The following GMDS variants were observed in gnomAD, a reference collection of about 807,000 sequenced individuals.
GMDS encodes GDP-mannose 4,6 dehydratase.
In GMDS, 20 loss-of-function variants were observed where a neutral mutation model predicts 49.9. The observed-to-expected ratio is 0.40, with a 90% CI of 0.28 to 0.58. The LOEUF (loss-of-function observed/expected upper bound fraction) is 0.58, where lower values mean the gene tolerates loss of function less well. Among genes scored for constraint, GMDS ranks in the 20% least tolerant of loss-of-function variants. The probability of loss-of-function intolerance (pLI) is 0.42; values close to 1 mark genes in which losing one functional copy is unlikely to be tolerated. For missense variants in GMDS, 362 were observed against 481.4 expected (o/e 0.75, Z 2.32); for synonymous variants, 177 against 178.6 (o/e 0.99, Z 0.07).
At chr6:2,122,509 TCA>T (rs1775196438) in intron 2 of GMDS, among the ~76,000 whole-genome samples, 1 of 151,734 alleles carries the variant, frequency 6.6e-6, no homozygotes, top group African/African-American at 2.4e-5. Context: ...CTCATGGCCT[TCA>T]ATAATCAGGG....
intron 7 of GMDS, among the ~76,000 whole-genome samples, chr6:1,857,292 C>T (rs534157931): frequency 1.8e-4 from 27 of 152,310 alleles, no homozygotes; most frequent in Admixed American, 1.4e-3. Context: ...CCGTATGCTG[C>T]GTTCAGTTCC....
At chr6:1,624,814 T>G in intron 9 of GMDS, 1 of 276,798 alleles carries the variant, frequency 3.6e-6, no homozygotes, top group African/African-American at 2.4e-5. Flanking sequence ...AGGCGTCCCT[T>G]GGGCTCTTAA....
intron 1 of GMDS, among the ~76,000 whole-genome samples, chr6:2,182,854 G>A (rs1428964268): frequency 6.6e-6 from 1 of 152,046 alleles, no homozygotes; most frequent in African/African-American, 2.4e-5. Flanking sequence ...TATAGGGTAT[G>A]CATCACCATG....
At chr6:2,239,226 G>A (rs1436217049) in intron 1 of GMDS, among the ~76,000 whole-genome samples, 1 of 151,860 alleles carries the variant, frequency 6.6e-6, no homozygotes, top group Non-Finnish European at 1.5e-5. Flanking sequence ...CTACTCAGGA[G>A]GCTGAGGCAC....
intron 10 of GMDS, 77 bp downstream of exon 10, chr6:1,624,395 G>A (rs1762780032): frequency 7.1e-7 from 1 of 1,415,778 alleles, no homozygotes; most frequent in African/African-American, 1.4e-5. Context: ...AGGCGCCTCA[G>A]GCGCCCGACC....
intron 1 of GMDS, among the ~76,000 whole-genome samples, chr6:2,178,239 T>C (rs1481513731): frequency 2.0e-5 from 3 of 152,266 alleles, no homozygotes; most frequent in Middle Eastern, 3.4e-3. Flanking sequence ...AGGTAACTTA[T>C]AAAGAAAAGA....
At chr6:1,933,032 C>T (rs1007170045) in intron 6 of GMDS, among the ~76,000 whole-genome samples, 2 of 152,132 alleles carry the variant, frequency 1.3e-5, no homozygotes, top group African/African-American at 4.8e-5. Context: ...CAGTCACTCA[C>T]CAGTTTTCTC....
intron 4 of GMDS, among the ~76,000 whole-genome samples, chr6:2,051,281 A>C (rs569376087): frequency 6.6e-6 from 1 of 152,202 alleles, no homozygotes; most frequent in Non-Finnish European, 1.5e-5. Flanking sequence ...ACCATAAGAC[A>C]GTAAGTTTTT....
rs183648789 is a variant in GMDS at position 2,022,242 on chromosome 6, T to C, written c.346-61276A>G. On this transcript the variant is annotated intron_variant, in intron 4 of 10. Coordinates refer to ENST00000380815, the MANE Select transcript of GMDS (RefSeq NM_001500.4). ...TCTCATAGGAGGGTAAAGAAAAATTTAAAGCAAATATATCAGCCAGGGTAG... is the reference window on the plus strand; with the variant it reads ...TCTCATAGGAGGGTAAAGAAAAATTCAAAGCAAATATATCAGCCAGGGTAG... Among the ~76,000 whole-genome samples the C allele has an allele frequency of 1.9e-3, 286 of 149,992 alleles. 2 individuals carry two copies. The highest frequency in any genetic ancestry group is 6.4e-3 in the African/African-American group (266 of 41,342).
At chr6:2,024,125 AATAG>A (rs1768439069) in intron 4 of GMDS, among the ~76,000 whole-genome samples, 2 of 152,314 alleles carry the variant, frequency 1.3e-5, no homozygotes, top group Admixed American at 6.5e-5. Context: ...CAATAGCAAA[AATAG>A]ATAGTAAGAG....
chr6:1,907,131 G>T (rs568710823), intron 7 of GMDS, among the ~76,000 whole-genome samples: 2 of 152,090 alleles, frequency 1.3e-5, no homozygotes, highest in African/African-American at 4.8e-5. Flanking sequence ...TTGCTGTTTC[G>T]CATGTGTAAT....
rs1767366680 is a variant in GMDS, at chr6:1,743,545, A to C, written c.772-959T>G. 1.4e-4 allele frequency among the ~76,000 whole-genome samples: 7 copies of C among 51,298 alleles called. 1 individual carries two copies. The South Asian group carries it at 7.8e-3, about 57-fold the overall frequency. 33.7% of individuals were successfully genotyped at this position (51,298 alleles called of 152,430 possible). ...ACGACAGAACCAGACTCCATCTCAA[A>C]AAAAAAAAAAAAAAATGGATGTCTA... On this transcript the variant is annotated intron_variant, in intron 7 of 10. Coordinates refer to ENST00000380815, the MANE Select transcript of GMDS (RefSeq NM_001500.4).
intron 4 of GMDS, among the ~76,000 whole-genome samples, chr6:2,067,444 A>G (rs1321139809): frequency 1.3e-5 from 2 of 151,886 alleles, no homozygotes; most frequent in African/African-American, 4.8e-5. Flanking sequence ...TAGAGACACA[A>G]AAAACCCTTC....
In GMDS at chr6:1,640,113, G is replaced by A. The variant is rs1763282125; in HGVS notation, c.988-15573C>T. Among the ~76,000 whole-genome samples the A allele has an allele frequency of 1.3e-5, 2 of 152,140 alleles. No individual in the cohort carries two copies. The highest frequency in any genetic ancestry group is 2.1e-4 in the South Asian group (1 of 4,830). On this transcript the variant is annotated intron_variant, in intron 9 of 10. Coordinates refer to ENST00000380815, the MANE Select transcript of GMDS (RefSeq NM_001500.4). This position sits in a 1 kb window ranked among gnomAD's most constrained non-coding sequence, Gnocchi z 4.0. ...CAGTGACGGCTCTACTGGGGCCCAG[G>A]GGATGCAGTTAGACCCCAGAAGGAT...
intron 1 of GMDS, among the ~76,000 whole-genome samples, chr6:2,141,519 C>T (rs1776285760): frequency 6.6e-6 from 1 of 152,202 alleles, no homozygotes; most frequent in African/African-American, 2.4e-5. Flanking sequence ...TATGTGCCTA[C>T]AGGTAGGTGC....
intron 7 of GMDS, among the ~76,000 whole-genome samples, chr6:1,830,080 TTTAAA>T (rs1156960277): frequency 1.3e-5 from 2 of 152,202 alleles, no homozygotes; most frequent in African/African-American, 4.8e-5. Context: ...TTTATTTAAA[TTTAAA>T]TTAATCAAAA....
At chr6:1,729,698 A>G (rs1766722946) in intron 8 of GMDS, among the ~76,000 whole-genome samples, 1 of 152,252 alleles carries the variant, frequency 6.6e-6, no homozygotes, top group South Asian at 2.1e-4. Context: ...CGGTGGCTTG[A>G]CAGAGAGGAG....
intron 9 of GMDS, chr6:1,624,814 T>C (rs1762798356): frequency 3.6e-6 from 1 of 276,760 alleles, no homozygotes; most frequent in African/African-American, 2.4e-5. Flanking sequence ...AGGCGTCCCT[T>C]GGGCTCTTAA....
rs529249021 is a variant in GMDS at position 1,655,236 on chromosome 6, T to C, written c.988-30696A>G. ...CTTGGGGGTATCTGAGCCTTAATTG[T>C]TGTATCATTAGTGCCTAGCACAGTG... On this transcript the variant is annotated intron_variant, in intron 9 of 10. Coordinates refer to ENST00000380815, the MANE Select transcript of GMDS (RefSeq NM_001500.4). 2.0e-5 allele frequency among the ~76,000 whole-genome samples: 3 copies of C among 152,268 alleles called. No homozygotes were observed. The East Asian group carries it at 5.8e-4, about 29-fold the overall frequency.
Sources: gnomAD v4.1 joint callset for allele counts (sites outside exome capture counted in the v4.1 genomes callset) on GRCh38, gnomAD v4.1.1 for gene constraint, Gnocchi (gnomAD v3.1) non-coding constraint, MANE v1.5 for transcripts, NCBI Gene and HGNC (gene_info 2026-07-23, HGNC 2026-07-21) for gene names.